The following EHBP1 variants were observed in gnomAD, a reference collection of about 807,000 sequenced individuals.
EHBP1 encodes EH domain binding protein 1.
EHBP1 carries 55 observed loss-of-function variants against 144.0 expected under a neutral mutation model. That is an observed-to-expected ratio of 0.38 (90% CI 0.31 to 0.48). The LOEUF is 0.48. Ranked by LOEUF, EHBP1 falls within the 20% of genes least tolerant of loss-of-function variation. The pLI, the probability that EHBP1 is intolerant of heterozygous loss-of-function variation, is 0.98. For synonymous variants in EHBP1, 469 were observed against 472.7 expected, an observed-to-expected ratio of 0.99 and a Z score of 0.10; for missense variants, 1,200 against 1,364.2, an observed-to-expected ratio of 0.88 and a Z score of 1.90.
chr2:62,766,352 A>C (rs893603138), intron 4 of EHBP1, among the ~76,000 whole-genome samples: 4 of 152,142 alleles, frequency 2.6e-5, no homozygotes, highest in Admixed American at 1.3e-4. Context: ...GATCTCAACT[A>C]TGGCAATAGA....
intron 19 of EHBP1, among the ~76,000 whole-genome samples, chr2:63,023,655 G>A (rs1024072636): frequency 2.0e-5 from 3 of 152,122 alleles, no homozygotes; most frequent in Admixed American, 2.0e-4. Context: ...AGCACCACTT[G>A]GTGGCCAAAA....
intron 1 of EHBP1, among the ~76,000 whole-genome samples, chr2:62,679,574 G>A (rs2033436423): frequency 6.6e-6 from 1 of 151,986 alleles, no homozygotes; most frequent in African/African-American, 2.4e-5. Flanking sequence ...GGTCCTAGTA[G>A]GCATCTAGTA....
At chr2:62,900,684 G>GTATATATATATATATATATATATATA (rs147278087) in intron 10 of EHBP1, among the ~76,000 whole-genome samples, 60 of 141,484 alleles carry the variant, frequency 4.2e-4, no homozygotes, top group African/African-American at 1.7e-3. Context: ...GTGTGTATGT[G>GTATATATATATATATATATATATATA]TATATATATA....
intron 2 of EHBP1, among the ~76,000 whole-genome samples, chr2:62,718,084 C>T (rs917988382): frequency 5.3e-5 from 8 of 152,136 alleles, no homozygotes; most frequent in Admixed American, 4.6e-4. Flanking sequence ...TAAAATATGA[C>T]ATTAGATAAA....
At chr2:62,896,710 A>G (rs1248330593) in intron 10 of EHBP1, among the ~76,000 whole-genome samples, 1 of 150,928 alleles carries the variant, frequency 6.6e-6, no homozygotes, top group African/African-American at 2.4e-5. Flanking sequence ...AAACCCTGCT[A>G]GACTCCAGGA....
At chr2:63,040,890 G>C (rs779717227) in intron 21 of EHBP1, among the ~76,000 whole-genome samples, 3 of 152,152 alleles carry the variant, frequency 2.0e-5, no homozygotes, top group Non-Finnish European at 4.4e-5. Context: ...ACATTCAGAT[G>C]AATAGCCTTT....
chr2:62,923,863 C>T (rs931917628), intron 10 of EHBP1, among the ~76,000 whole-genome samples: 4 of 152,170 alleles, frequency 2.6e-5, no homozygotes, highest in Non-Finnish European at 5.9e-5. Flanking sequence ...GCAAACACAC[C>T]CCCAAACCAG....
At chr2:62,825,598 G>C (rs888336306) in intron 5 of EHBP1, among the ~76,000 whole-genome samples, 6 of 150,420 alleles carry the variant, frequency 4.0e-5, no homozygotes, top group Admixed American at 2.6e-4. Flanking sequence ...ATAGAATTCA[G>C]ATGTTGTAGA....
intron 5 of EHBP1, among the ~76,000 whole-genome samples, chr2:62,802,977 G>A (rs1050258549): frequency 8.5e-5 from 13 of 152,174 alleles, no homozygotes; most frequent in African/African-American, 3.1e-4. Context: ...CGCCCACGTT[G>A]GCCTCCCAAA....
At chr2:62,866,312 A>C (rs1198630018) in intron 9 of EHBP1, among the ~76,000 whole-genome samples, 3 of 152,242 alleles carry the variant, frequency 2.0e-5, no homozygotes, top group African/African-American at 7.2e-5. Flanking sequence ...CAAAAACTCC[A>C]GCACACAAAA....
At chr2:62,763,997 G>T (rs551060312) in intron 3 of EHBP1, among the ~76,000 whole-genome samples, 77 of 151,976 alleles carry the variant, frequency 5.1e-4, no homozygotes, top group Non-Finnish European at 1.0e-3. Context: ...ATGTTCTTCT[G>T]TGTGTATGAG....
intron 12 of EHBP1, among the ~76,000 whole-genome samples, chr2:62,944,262 T>C (rs1003176386): frequency 1.3e-5 from 2 of 152,174 alleles, no homozygotes; most frequent in African/African-American, 2.4e-5. Flanking sequence ...GGCAAAAATA[T>C]ATAAACCTTG....
At chr2:62,980,302 C>T (rs1272604140) in intron 15 of EHBP1, among the ~76,000 whole-genome samples, 1 of 152,180 alleles carries the variant, frequency 6.6e-6, no homozygotes, top group East Asian at 1.9e-4. Flanking sequence ...GTGCAGTTCA[C>T]AATAGGGTTC....
chr2:62,859,188 C>A lies in EHBP1; in HGVS notation c.654C>A (p.Asn218Lys). ...TTTCAGAGCTTATCAACAAACTTAACTTTTTGGATGAAGCAGAAAAGGACT... is the reference window on the plus strand; with the variant it reads ...TTTCAGAGCTTATCAACAAACTTAAATTTTTGGATGAAGCAGAAAAGGACT... Reference protein sequence around the residue: ...AKITELINKLNFLDEAEKDLA... With the variant: ...AKITELINKLKFLDEAEKDLA... The change falls in exon 8 of 23, where the codon AAC (asparagine) becomes AAA (lysine). Residue 218 changes from asparagine to lysine, a missense_variant. Coordinates refer to ENST00000431489, the MANE Select transcript of EHBP1 (RefSeq NM_001142616.3). 1 of 1,611,630 alleles carries A rather than the reference C, an allele frequency of 6.2e-7. No homozygotes were observed. The highest frequency in any genetic ancestry group is 8.5e-7 in the Non-Finnish European group (1 of 1,178,398).
intron 10 of EHBP1, among the ~76,000 whole-genome samples, chr2:62,922,512 C>T (rs954469146): frequency 3.3e-5 from 5 of 152,070 alleles, no homozygotes; most frequent in African/African-American, 7.2e-5. Flanking sequence ...GAATAATCCA[C>T]GTAAATAGTA....
chr2:62,942,417 G>A (rs1374006009), intron 10 of EHBP1, among the ~76,000 whole-genome samples: 2 of 152,152 alleles, frequency 1.3e-5, no homozygotes, highest in African/African-American at 2.4e-5. Flanking sequence ...TAGGTATTTA[G>A]CCTTAAGTAT....
chr2:62,918,222 A>G (rs2054796304), intron 10 of EHBP1, among the ~76,000 whole-genome samples: 1 of 151,836 alleles, frequency 6.6e-6, no homozygotes, highest in African/African-American at 2.4e-5. Flanking sequence ...CACTGCCTAT[A>G]TCATAATCAT....
At chr2:62,816,499 A>C (rs891649382) in intron 5 of EHBP1, among the ~76,000 whole-genome samples, 4 of 152,178 alleles carry the variant, frequency 2.6e-5, no homozygotes, top group Admixed American at 1.3e-4. Flanking sequence ...AACCCTTGAG[A>C]ACTGTTAGTC....
At chr2:62,872,439 A>C (rs1019567065) in intron 9 of EHBP1, among the ~76,000 whole-genome samples, 1 of 152,086 alleles carries the variant, frequency 6.6e-6, no homozygotes, top group Non-Finnish European at 1.5e-5. Flanking sequence ...CAATTCTGTA[A>C]ATATTTTTTA....
Sources: gnomAD v4.1 joint callset for allele counts (sites outside exome capture counted in the v4.1 genomes callset) on GRCh38, gnomAD v4.1.1 for gene constraint, MANE v1.5 for transcripts, NCBI Gene and HGNC (gene_info 2026-07-23, HGNC 2026-07-21) for gene names.